The following ATP8B4 variants were observed in gnomAD, a reference collection of about 807,000 sequenced individuals.
ATP8B4 encodes the protein ATPase phospholipid transporting 8B4 (putative).
Under a neutral mutation model 145.6 loss-of-function variants are expected in ATP8B4, and 133 were observed. The observed-to-expected ratio is 0.91, with a 90% CI of 0.79 to 1.05. ATP8B4 has a LOEUF of 1.05. Among genes scored for constraint, ATP8B4 ranks in the 50% least tolerant of loss-of-function variants. ATP8B4 has a pLI of 0.00. For missense variants in ATP8B4, 1,458 were observed against 1,425.2 expected, an observed-to-expected ratio of 1.02 and a Z score of -0.37; for synonymous variants, 507 against 492.9, an observed-to-expected ratio of 1.03 and a Z score of -0.38.
At chr15:49,909,140 C>A (rs540861664) in intron 20 of ATP8B4, among the ~76,000 whole-genome samples, 11 of 152,214 alleles carry the variant, frequency 7.2e-5, no homozygotes, top group African/African-American at 2.6e-4. Context: ...TGACCGCACT[C>A]CATACCCCCC....
In ATP8B4 at chr15:49,866,380, G is replaced by T; in HGVS notation, c.3132C>A (p.Ile1044=). 1 of 1,613,992 alleles carries T rather than the reference G, an allele frequency of 6.2e-7. No homozygotes were observed. Among genetic ancestry groups the T allele is most frequent in the Non-Finnish European group, 8.5e-7 (1 of 1,179,892 alleles). Residue 1044 remains isoleucine (I), a synonymous_variant, in exon 26 of 28, where the codon ATC becomes ATA. Transcript: ENST00000284509. ...SILFTMHSNG[I]FGIFPNQFPF... ...GAAACTGGTTTGGGAAGATGCCAAA[G>T]ATGCCATTACTGTGCATTGTAAATA...
At chr15:49,870,081 A>T (rs1183894305) in intron 25 of ATP8B4, among the ~76,000 whole-genome samples, 1 of 152,188 alleles carries the variant, frequency 6.6e-6, no homozygotes, top group Non-Finnish European at 1.5e-5. Context: ...TTGCCTTAAT[A>T]GCAAAAAACA....
At chr15:50,107,996 T>C (rs1265563419) in intron 1 of ATP8B4, among the ~76,000 whole-genome samples, 2 of 152,030 alleles carry the variant, frequency 1.3e-5, no homozygotes, top group African/African-American at 4.8e-5. Context: ...GGGTCAGTGA[T>C]ACTTTGCAGG....
chr15:49,929,657 T>C (rs926445582), intron 16 of ATP8B4, among the ~76,000 whole-genome samples: 9 of 151,888 alleles, frequency 5.9e-5, no homozygotes, highest in African/African-American at 1.9e-4. Context: ...GACATCAATA[T>C]TGAAGAATGG....
intron 9 of ATP8B4, among the ~76,000 whole-genome samples, chr15:49,990,796 G>A (rs1227104919): frequency 6.6e-6 from 1 of 152,112 alleles, no homozygotes; most frequent in Non-Finnish European, 1.5e-5. Flanking sequence ...TATCTGTACT[G>A]CAACTCTTCC....
At chr15:49,868,073 A>C (rs2033101105) in intron 25 of ATP8B4, among the ~76,000 whole-genome samples, 1 of 152,226 alleles carries the variant, frequency 6.6e-6, no homozygotes, top group South Asian at 2.1e-4. Flanking sequence ...AGTAACAATC[A>C]AAGAAATGAC....
chr15:50,181,763 G>C (rs1321245961), intron 1 of ATP8B4, among the ~76,000 whole-genome samples: 1 of 152,224 alleles, frequency 6.6e-6, no homozygotes, highest in Non-Finnish European at 1.5e-5. Context: ...AGACCAGGCG[G>C]AAAGCCCTTG....
chr15:50,021,545 G>C (rs2049572379), intron 6 of ATP8B4, among the ~76,000 whole-genome samples: 1 of 151,978 alleles, frequency 6.6e-6, no homozygotes, highest in Non-Finnish European at 1.5e-5. Context: ...CCAAGATCTT[G>C]GCATGGCTAG....
chr15:50,043,076 T>C (rs1461586645), intron 5 of ATP8B4, among the ~76,000 whole-genome samples: 2 of 152,120 alleles, frequency 1.3e-5, no homozygotes, highest in Non-Finnish European at 2.9e-5. Flanking sequence ...AAGATACAGA[T>C]GGGTTAAAAA....
chr15:49,980,985 C>T (rs2046102391), intron 11 of ATP8B4, among the ~76,000 whole-genome samples: 1 of 152,162 alleles, frequency 6.6e-6, no homozygotes, highest in Admixed American at 6.5e-5. Context: ...CCATGAATAC[C>T]TCCATAAACA....
At chr15:50,126,961 T>C (rs1363488189) in intron 1 of ATP8B4, among the ~76,000 whole-genome samples, 1 of 152,150 alleles carries the variant, frequency 6.6e-6, no homozygotes, top group Admixed American at 6.5e-5. Context: ...TGTTCTTCAT[T>C]CTAAATTTCT....
chr15:50,064,934 G>A (rs778539645), intron 3 of ATP8B4, among the ~76,000 whole-genome samples: 8 of 152,088 alleles, frequency 5.3e-5, no homozygotes, highest in African/African-American at 9.7e-5. Flanking sequence ...GAACAACACC[G>A]AGGGGATGGT....
intron 14 of ATP8B4, among the ~76,000 whole-genome samples, chr15:49,958,837 TA>T (rs1411898764): frequency 6.6e-6 from 1 of 151,964 alleles, no homozygotes; most frequent in Non-Finnish European, 1.5e-5. Flanking sequence ...ATCTAAGAGC[TA>T]CCACCTGAAA....
Position 49,918,911 on chromosome 15 carries a change from C to T in ATP8B4, c.1963G>A (p.Gly655Ser). ...AAACTTGTAACTGTTTCAATAACACCCTCCTGTAACTTATCTTCTACAGCA... is the reference window on the plus strand; with the variant it reads ...AAACTTGTAACTGTTTCAATAACACTCTCCTGTAACTTATCTTCTACAGCA... ...ATAVEDKLQE[G>S]VIETVTSLSL... The change falls in exon 19 of 28, where the codon GGT becomes AGT. Residue 655 changes from glycine to serine, a missense_variant. Physicochemically the swap from Gly to Ser is moderately conservative, Grantham distance 56. Coordinates refer to ENST00000284509, the MANE Select transcript of ATP8B4 (RefSeq NM_024837.4). 1 of 1,613,526 alleles carries T rather than the reference C, an allele frequency of 6.2e-7. No individual in the cohort carries two copies. Among genetic ancestry groups the T allele is most frequent in the Non-Finnish European group, 8.5e-7 (1 of 1,179,678 alleles).
At chr15:50,123,997 C>T (rs565977116), upstream of ATP8B4, among the ~76,000 whole-genome samples, 4 of 152,254 alleles carry the variant, frequency 2.6e-5, no homozygotes, top group South Asian at 8.3e-4. Flanking sequence ...AACCTCCTTA[C>T]CTCAGCAGGT....
chr15:49,982,454 T>C (rs2046240488), intron 10 of ATP8B4: 1 of 152,124 alleles, frequency 6.6e-6, no homozygotes, highest in Non-Finnish European at 1.5e-5. Context: ...TCTGTAGCCA[T>C]AGCACCCTGA....
intron 1 of ATP8B4, among the ~76,000 whole-genome samples, chr15:50,166,791 G>A (rs2044603906): frequency 1.3e-5 from 2 of 152,152 alleles, no homozygotes; most frequent in South Asian, 4.1e-4. Flanking sequence ...GGGAGAAGGA[G>A]GTAATCACAT....
chr15:49,882,409 A>G (rs1234258340), intron 23 of ATP8B4, among the ~76,000 whole-genome samples: 1 of 152,216 alleles, frequency 6.6e-6, no homozygotes, highest in Non-Finnish European at 1.5e-5. Flanking sequence ...ACAAATGTCT[A>G]TCTTCGTGCA....
chr15:49,922,481 C>A (rs2040351026), intron 17 of ATP8B4: 1 of 393,172 alleles, frequency 2.5e-6, no homozygotes. Flanking sequence ...ACCAATATTA[C>A]CAAACCATCA....
Sources: allele counts gnomAD v4.1 joint callset (sites outside exome capture counted in the v4.1 genomes callset), GRCh38; gene constraint gnomAD v4.1.1; transcripts MANE v1.5; gene names NCBI Gene and HGNC (gene_info 2026-07-23, HGNC 2026-07-21).